The following LPP variants were observed in gnomAD, a reference collection of about 807,000 sequenced individuals.
The protein encoded by LPP is lipoma-preferred partner.
Under a neutral mutation model 60.4 loss-of-function variants are expected in LPP, and 38 were observed. The ratio of observed to expected loss-of-function variants is 0.63; its 90% confidence interval spans 0.49 to 0.83. The LOEUF is 0.83. Ranked by LOEUF, LPP falls within the 40% of genes least tolerant of loss-of-function variation. The pLI is 0.00. For synonymous variants in LPP, 328 were observed against 290.8 expected, an observed-to-expected ratio of 1.13 and a Z score of -1.30; for missense variants, 902 against 783.6, an observed-to-expected ratio of 1.15 and a Z score of -1.80.
Position 188,252,093 on chromosome 3 carries a change from T to C in LPP, c.-67+26566T>C, listed in dbSNP as rs1294868438. On this transcript the variant is annotated intron_variant, in intron 2 of 11. Transcript: ENST00000617246. Reference sequence around the variant, plus strand: ...ATATATATACACACACACACACACATATATCAGATTATAGCGTCAGATTAT... The same window carrying C: ...ATATATATACACACACACACACACACATATCAGATTATAGCGTCAGATTAT... Among the ~76,000 whole-genome samples, 287 of 116,632 alleles carry C rather than the reference T, an allele frequency of 2.5e-3. 1 individual carries two copies. The highest frequency in any genetic ancestry group is 6.2e-3 in the African/African-American group (174 of 28,212). The allele number at this position is 116,632 out of a possible 152,430, so 76.5% of individuals were successfully genotyped here.
chr3:188,312,137 G>A (rs1560232931), intron 2 of LPP, among the ~76,000 whole-genome samples: 1 of 150,362 alleles, frequency 6.7e-6, no homozygotes, highest in African/African-American at 2.5e-5. Flanking sequence ...ATAAGCATGT[G>A]TATACACACA....
intron 8 of LPP, among the ~76,000 whole-genome samples, chr3:188,727,417 T>G (rs1465615424): frequency 6.6e-6 from 1 of 152,200 alleles, no homozygotes; most frequent in Non-Finnish European, 1.5e-5. Flanking sequence ...GGGTAAGATA[T>G]TCTGTGTTTT....
intron 8 of LPP, among the ~76,000 whole-genome samples, chr3:188,757,963 G>T (rs1338487705): frequency 2.1e-5 from 3 of 139,560 alleles, no homozygotes; most frequent in Non-Finnish European, 4.6e-5. Context: ...CTGTTGGCAG[G>T]AAAGTCCAAA....
intron 2 of LPP, among the ~76,000 whole-genome samples, chr3:188,254,127 T>C (rs1324847241): frequency 6.6e-6 from 1 of 152,192 alleles, no homozygotes; most frequent in Non-Finnish European, 1.5e-5. Flanking sequence ...TGACTACACA[T>C]TAAACTAAAA....
At chr3:188,281,079 C>T (rs184484697) in intron 2 of LPP, among the ~76,000 whole-genome samples, 85 of 151,568 alleles carry the variant, frequency 5.6e-4, no homozygotes, top group Non-Finnish European at 8.4e-4. Flanking sequence ...AGATTACAGG[C>T]GACAAAGGAA....
At chr3:188,675,284 G>T (rs1467595673) in intron 7 of LPP, among the ~76,000 whole-genome samples, 1 of 152,220 alleles carries the variant, frequency 6.6e-6, no homozygotes, top group African/African-American at 2.4e-5. Flanking sequence ...ACAGAATGAA[G>T]TGGGTTGCGG....
intron 7 of LPP, among the ~76,000 whole-genome samples, chr3:188,641,437 A>G (rs1850101802): frequency 6.6e-6 from 1 of 152,186 alleles, no homozygotes; most frequent in African/African-American, 2.4e-5. Flanking sequence ...GATTTCATAA[A>G]TGTCAAATTT....
At chr3:188,837,995 C>T (rs980838019) in intron 9 of LPP, among the ~76,000 whole-genome samples, 5 of 152,094 alleles carry the variant, frequency 3.3e-5, no homozygotes, top group East Asian at 3.9e-4. Flanking sequence ...TTGCTCTATG[C>T]AAACTCAACA....
Position 188,154,212 on chromosome 3 carries a change from G to GCCACCA in LPP, c.-224_-219dup, listed in dbSNP as rs575575843. On this transcript the variant is annotated 5_prime_UTR_variant, in exon 1 of 12. Transcript: ENST00000617246. ...AGCCGCCGCCGCCGCCGCCGCCGCC[G>GCCACCA]CCACCACCACCGCCGCTGCCCCGGC... Among the ~76,000 whole-genome samples, 213 of 151,726 alleles carry GCCACCA rather than the reference G, an allele frequency of 1.4e-3. No individual in the cohort carries two copies. The highest frequency in any genetic ancestry group is 0.01 in the East Asian group (52 of 5,116).
At chr3:188,432,655 C>T (rs1578851735) in intron 4 of LPP, among the ~76,000 whole-genome samples, 1 of 151,722 alleles carries the variant, frequency 6.6e-6, no homozygotes, top group South Asian at 2.1e-4. Flanking sequence ...GCTGGTTCTT[C>T]CAAGTTGTAT....
intron 7 of LPP, among the ~76,000 whole-genome samples, chr3:188,613,293 T>TATATCC (rs1491560138): frequency 1.4e-5 from 2 of 141,352 alleles, no homozygotes; most frequent in Admixed American, 7.0e-5. Context: ...TATCTATATC[T>TATATCC]ATATCTATAT....
chr3:188,636,541 G>T (rs1029384235), intron 7 of LPP, among the ~76,000 whole-genome samples: 1 of 152,156 alleles, frequency 6.6e-6, no homozygotes, highest in African/African-American at 2.4e-5. Flanking sequence ...GCTCGAACTG[G>T]GGGGAGCCCA....
chr3:188,885,012 A>C lies in LPP; in HGVS notation c.*10533A>C. On this transcript the variant is annotated 3_prime_UTR_variant, in exon 12 of 12. Transcript: ENST00000617246. ...TTTGGTACCATGTTGTTTTCAAAAA[A>C]CCTCCTAGAAAGTCTCCATGTATGC... 4.7e-6 allele frequency: 1 copy of C among 213,348 alleles called. No individual in the cohort carries two copies. The highest frequency in any genetic ancestry group is 9.5e-6 in the Non-Finnish European group (1 of 105,544). 13.2% of individuals were successfully genotyped at this position (213,348 alleles called of 1,614,324 possible).
intron 7 of LPP, among the ~76,000 whole-genome samples, chr3:188,646,681 A>G (rs1277906787): frequency 6.6e-6 from 1 of 152,250 alleles, no homozygotes; most frequent in Non-Finnish European, 1.5e-5. Context: ...CCACAGAATT[A>G]GAACATTACC....
In LPP at chr3:188,386,058, T is replaced by C. The variant is rs1778178379; in HGVS notation, c.-9-20054T>C. Among the ~76,000 whole-genome samples, 4 of 152,156 alleles carry C rather than the reference T, an allele frequency of 2.6e-5. No homozygotes were observed. The South Asian group carries it at 8.3e-4, about 32-fold the overall frequency. On this transcript the variant is annotated intron_variant, in intron 3 of 11. Coordinates refer to ENST00000617246, the MANE Select transcript of LPP (RefSeq NM_001375462.1). ...AATAATATCACAAGGGAATGAAGAA[T>C]TTATTCTTTTTTTCAATAGGTGAAC...
chr3:188,646,551 G>T (rs567137760), intron 7 of LPP, among the ~76,000 whole-genome samples: 11 of 152,272 alleles, frequency 7.2e-5, no homozygotes, highest in Non-Finnish European at 1.5e-4. Flanking sequence ...TAGGAGTCAG[G>T]TTGCCTATAA....
At chr3:188,388,111 T>A (rs1186722199) in intron 3 of LPP, among the ~76,000 whole-genome samples, 1 of 152,140 alleles carries the variant, frequency 6.6e-6, no homozygotes, top group Non-Finnish European at 1.5e-5. Context: ...TACTTTCCAA[T>A]CTTTAGGATC....
At chr3:188,647,384 G>T (rs539125697) in intron 7 of LPP, among the ~76,000 whole-genome samples, 2 of 151,858 alleles carry the variant, frequency 1.3e-5, no homozygotes, top group East Asian at 3.9e-4. Flanking sequence ...TCTTTCATTA[G>T]TTGAAAAAAA....
chr3:188,445,913 T>G (rs1253375342), intron 4 of LPP, among the ~76,000 whole-genome samples: 1 of 152,216 alleles, frequency 6.6e-6, no homozygotes, highest in Non-Finnish European at 1.5e-5. Context: ...ATGTAATGGT[T>G]TCCTATCAGT....
Sources: allele counts gnomAD v4.1 joint callset (sites outside exome capture counted in the v4.1 genomes callset), GRCh38; gene constraint gnomAD v4.1.1; transcripts MANE v1.5; gene names NCBI Gene and HGNC (gene_info 2026-07-23, HGNC 2026-07-21).